Variants in CFI observed in about 807,000 individuals in gnomAD.
The protein encoded by CFI is complement factor I, also known as C3B/C4B inactivator.
In CFI, 66 loss-of-function variants were observed where a neutral mutation model predicts 78.8. The observed-to-expected ratio is 0.84, with a 90% CI of 0.69 to 1.03. The LOEUF (loss-of-function observed/expected upper bound fraction) is 1.03. Ranked by LOEUF, CFI falls within the 50% of genes least tolerant of loss-of-function variation. The pLI is 0.00. For missense variants in CFI, 706 were observed against 704.5 expected (o/e 1.00, Z -0.02); for synonymous variants, 250 against 232.6 (o/e 1.07, Z -0.68).
intron 3 of CFI, 83 bp downstream of exon 3, chr4:109,764,454 A>T: frequency 6.9e-7 from 1 of 1,448,416 alleles, no homozygotes; most frequent in Non-Finnish European, 9.7e-7. Flanking sequence ...TATGGAAATT[A>T]ATACACAGAA....
At chr4:109,752,395 A>G in intron 8 of CFI, 73 bp downstream of exon 8, 2 of 1,300,470 alleles carry the variant, frequency 1.5e-6, no homozygotes, top group Non-Finnish European at 2.2e-6. Context: ...AATCAATTAT[A>G]TATATGCAAA....
intron 12 of CFI, chr4:109,742,038 A>T (rs560905849): frequency 1.8e-5 from 3 of 164,588 alleles, no homozygotes; most frequent in African/African-American, 7.2e-5. Context: ...TTGAGATGAG[A>T]TAACTTGAAT....
the CFI span, among the ~76,000 whole-genome samples, chr4:109,733,735 G>T: frequency 1.3e-5 from 2 of 152,250 alleles, no homozygotes; most frequent in African/African-American, 4.8e-5. Context: ...GGGGAGAATT[G>T]TGGAAGGAGA....
At position 109,784,376 on chromosome 4, in the gene CFI, T is replaced by C. The variant is rs546929950; in HGVS notation, c.57+17539A>G. Among the ~76,000 whole-genome samples the C allele has an allele frequency of 2.0e-5, 3 of 151,956 alleles. No homozygotes were observed. The South Asian group carries it at 6.2e-4, about 32-fold the overall frequency. On this transcript the variant is annotated intron_variant, in intron 1 of 12. Coordinates refer to ENST00000394634, the MANE Select transcript of CFI (RefSeq NM_000204.5). ...TGTGAAGGGGCACAGTTTAGAGAAA[T>C]GGGGTGATAGTTGGAGGAGGGTATA... is the stretch of plus-strand genomic sequence containing the variant.
chr4:109,732,867 A>G, the CFI span, among the ~76,000 whole-genome samples: 1 of 152,108 alleles, frequency 6.6e-6, no homozygotes, highest in African/African-American at 2.4e-5. Context: ...AAAAAAAAAA[A>G]AAAAAGAATT....
At position 109,757,620 on chromosome 4, in the gene CFI, C is replaced by A; in HGVS notation, c.904+143G>T. 4 of 585,842 alleles carry A rather than the reference C, an allele frequency of 6.8e-6. No individual in the cohort carries two copies. In the South Asian group the frequency reaches 7.9e-5, roughly 12 times the overall value. 36.3% of individuals were successfully genotyped at this position (585,842 alleles called of 1,614,324 possible). A position where few individuals can be genotyped will look rare whatever the true frequency, so the allele number is the denominator to read the frequency against. ...TTATCACACTGAGAAAAGGCCTCTA[C>A]GCCTAAACTAATGTTCAGGCTGGGT... On this transcript the variant is annotated intron_variant, in intron 7 of 12. Transcript: ENST00000394634.
At chr4:109,763,583 C>T (rs1177869853) in intron 3 of CFI, among the ~76,000 whole-genome samples, 3 of 151,948 alleles carry the variant, frequency 2.0e-5, no homozygotes, top group Non-Finnish European at 4.4e-5. Flanking sequence ...TAGATATGTG[C>T]TGTTTATAAG....
intron 7 of CFI, among the ~76,000 whole-genome samples, chr4:109,753,652 ATATTATATAAT>A (rs1725677046): frequency 1.1e-5 from 1 of 88,326 alleles, no homozygotes; most frequent in African/African-American, 4.6e-5. Context: ...TTTATATTAT[ATATTATATAAT>A]GTATAATTTT....
intron 4 of CFI, 125 bp from the exon 5 acceptor site, chr4:109,760,761 A>G (rs1726955962): frequency 1.4e-6 from 1 of 702,004 alleles, no homozygotes; most frequent in Admixed American, 2.0e-5. Context: ...TATAAAACGT[A>G]TTGGTATTAT....
intron 1 of CFI, among the ~76,000 whole-genome samples, chr4:109,796,242 C>G (rs1732042473): frequency 6.6e-6 from 1 of 151,868 alleles, no homozygotes; most frequent in Non-Finnish European, 1.5e-5. Flanking sequence ...AACGAAGAAA[C>G]AAAAAACCCC....
In CFI at chr4:109,760,577, C is replaced by T. The variant is rs1726932584; in HGVS notation, c.718G>A (p.Ala240Thr). 6 of 1,611,812 alleles carry T rather than the reference C, an allele frequency of 3.7e-6. No homozygotes were observed. The African/African-American group carries it at 5.3e-5, about 14-fold the overall frequency. ...VNGKYISQMK[A>T]CDGINDCGDQ... is the part of the protein sequence containing the mutation. Reference sequence around the variant, plus strand: ...CCACAATCATTGATACCATCACAGGCTTTCATCTGAGAAATGTATTTCCCA... The same window carrying T: ...CCACAATCATTGATACCATCACAGGTTTTCATCTGAGAAATGTATTTCCCA... Residue 240 changes from alanine to threonine, a missense_variant, in exon 5 of 13, where the codon GCC becomes ACC. Transcript: ENST00000394634.
At chr4:109,747,235 G>T (rs904849814) in intron 10 of CFI, among the ~76,000 whole-genome samples, 4 of 152,048 alleles carry the variant, frequency 2.6e-5, no homozygotes, top group Non-Finnish European at 5.9e-5. Context: ...GCCTAAGCTG[G>T]AGTACAGTGG....
intron 12 of CFI, chr4:109,741,332 C>A: frequency 1.0e-6 from 1 of 985,448 alleles, no homozygotes; most frequent in South Asian, 4.7e-5. Flanking sequence ...TCAGCATGTT[C>A]TTCCTGTGTT....
chr4:109,782,241 T>A (rs1730139702), intron 1 of CFI, among the ~76,000 whole-genome samples: 2 of 152,022 alleles, frequency 1.3e-5, no homozygotes, highest in African/African-American at 4.8e-5. Context: ...AATGGTCACT[T>A]TTTGCTGACA....
At chr4:109,781,274 CAAGAA>C (rs971856723) in intron 1 of CFI, among the ~76,000 whole-genome samples, 3 of 151,568 alleles carry the variant, frequency 2.0e-5, no homozygotes, top group Admixed American at 2.0e-4. Context: ...CAAGATTAAC[CAAGAA>C]AAGAAGAGAA....
chr4:109,766,179 T>C (rs1399649647), intron 2 of CFI, among the ~76,000 whole-genome samples: 3 of 152,242 alleles, frequency 2.0e-5, no homozygotes, highest in Non-Finnish European at 1.5e-5. Flanking sequence ...GAGGCCTGAC[T>C]AGACTACATG....
At chr4:109,751,837 C>G (rs1019033860) in intron 8 of CFI, among the ~76,000 whole-genome samples, 1 of 152,110 alleles carries the variant, frequency 6.6e-6, no homozygotes, top group African/African-American at 2.4e-5. Context: ...ATTTAAAAAT[C>G]CCACTGAAAC....
chr4:109,732,874 A>T, the CFI span, among the ~76,000 whole-genome samples: 3 of 148,238 alleles, frequency 2.0e-5, no homozygotes, highest in South Asian at 6.4e-4. Context: ...AAAAAAAAAG[A>T]ATTTCAAGGT....
At chr4:109,756,933 GAAAGAAAGAAAGAAAGAA>G (rs1561297815) in intron 7 of CFI, among the ~76,000 whole-genome samples, 32 of 146,492 alleles carry the variant, frequency 2.2e-4, no homozygotes, top group Admixed American at 5.5e-4. Context: ...AAGAAAGAAA[GAAAGAAAGAAAGAAAGAA>G]AGAAAGAAAG....
Sources: gnomAD v4.1 joint callset for allele counts (sites outside exome capture counted in the v4.1 genomes callset) on GRCh38, gnomAD v4.1.1 for gene constraint, MANE v1.5 for transcripts, NCBI Gene and HGNC (gene_info 2026-07-23, HGNC 2026-07-21) for gene names.